Variants in EYS observed in about 807,000 individuals in gnomAD.
EYS encodes the protein EGF-like photoreceptor maintenance factor, also known as protein eyes shut homolog.
Under a neutral mutation model 282.1 loss-of-function variants are expected in EYS, and 250 were observed. The observed-to-expected ratio is 0.89, with a 90% confidence interval of 0.80 to 0.98. The LOEUF is 0.98. EYS is among the 50% of genes least tolerant of loss of function. The pLI is 0.00. For synonymous variants in EYS, 1,355 were observed against 1,282.9 expected, an observed-to-expected ratio of 1.06 and a Z score of -1.20; for missense variants, 4,016 against 3,709.0, an observed-to-expected ratio of 1.08 and a Z score of -2.15.
intron 19 of EYS, among the ~76,000 whole-genome samples, chr6:64,868,764 C>G (rs1440678447): frequency 6.6e-6 from 1 of 151,372 alleles, no homozygotes. Flanking sequence ...ACATATTTTT[C>G]TGAAGGTGTT....
chr6:65,084,071 T>A (rs1774297842), intron 12 of EYS, among the ~76,000 whole-genome samples: 1 of 152,000 alleles, frequency 6.6e-6, no homozygotes, highest in Non-Finnish European at 1.5e-5. Context: ...TATCTCATGA[T>A]TAATTCAGGG....
chr6:64,809,096 A>T (rs1764518420), intron 22 of EYS, among the ~76,000 whole-genome samples: 1 of 152,104 alleles, frequency 6.6e-6, no homozygotes, highest in African/African-American at 2.4e-5. Flanking sequence ...TTAAAGACAC[A>T]GAAATAATTC....
chr6:63,941,681 T>A (rs1240024779), intron 35 of EYS, among the ~76,000 whole-genome samples: 1 of 152,138 alleles, frequency 6.6e-6, no homozygotes, highest in Non-Finnish European at 1.5e-5. Flanking sequence ...AGCACTAGGA[T>A]TTCAGGCAGA....
chr6:64,100,378 C>T (rs981011734), intron 31 of EYS, among the ~76,000 whole-genome samples: 1 of 151,800 alleles, frequency 6.6e-6, no homozygotes, highest in Non-Finnish European at 1.5e-5. Context: ...TCTCTTTTGC[C>T]CTGCTTGTTT....
intron 30 of EYS, among the ~76,000 whole-genome samples, chr6:64,275,141 G>A (rs1768067002): frequency 6.6e-6 from 1 of 152,168 alleles, no homozygotes; most frequent in African/African-American, 2.4e-5. Context: ...ATTGCTCTGG[G>A]GGAAAAGCAG....
chr6:63,753,140 GTATATATATATATATA>G (rs33925107), intron 41 of EYS, among the ~76,000 whole-genome samples: 8 of 136,032 alleles, frequency 5.9e-5, no homozygotes, highest in Non-Finnish European at 9.4e-5. Context: ...GTGTGTGTGT[GTATATATATATATATA>G]TATATATATA....
chr6:64,345,924 T>G (rs2150399957), intron 29 of EYS, among the ~76,000 whole-genome samples: 1 of 152,220 alleles, frequency 6.6e-6, no homozygotes, highest in Admixed American at 6.5e-5. Context: ...AAGAAGACAT[T>G]TATGCAGCCA....
At chr6:63,801,540 T>A (rs1408922399) in intron 37 of EYS, among the ~76,000 whole-genome samples, 1 of 152,174 alleles carries the variant, frequency 6.6e-6, no homozygotes, top group Non-Finnish European at 1.5e-5. Context: ...GGGGAAGTCA[T>A]GTATTCATCT....
chr6:64,746,001 G>A (rs9351411), intron 22 of EYS, among the ~76,000 whole-genome samples: 65,085 of 151,820 alleles, frequency 0.43, 17,178 homozygotes, highest in Admixed American at 0.59. Flanking sequence ...GCACTGCTGG[G>A]ATATAAGAAG....
intron 28 of EYS, among the ~76,000 whole-genome samples, chr6:64,392,091 A>G (rs1773173234): frequency 6.6e-6 from 1 of 152,016 alleles, no homozygotes; most frequent in African/African-American, 2.4e-5. Context: ...CTAAATATAT[A>G]TGCACCCAAT....
chr6:65,545,535 C>T (rs895736278), intron 2 of EYS, among the ~76,000 whole-genome samples: 5 of 152,052 alleles, frequency 3.3e-5, no homozygotes, highest in Admixed American at 6.5e-5. Context: ...AAAGTGGGAT[C>T]AAAGAGTATA....
chr6:64,234,345 CTT>C (rs2150339667), intron 30 of EYS, among the ~76,000 whole-genome samples: 1 of 151,950 alleles, frequency 6.6e-6, no homozygotes, highest in Non-Finnish European at 1.5e-5. Context: ...CTATTCTACT[CTT>C]TGTTTTTTCA....
chr6:65,364,242 T>G (rs1582190984), intron 8 of EYS, among the ~76,000 whole-genome samples: 1 of 97,792 alleles, frequency 1.0e-5, no homozygotes, highest in South Asian at 4.0e-4. Context: ...TAAAATCAAC[T>G]AAATGTTTTT....
chr6:64,752,074 C>CAAA (rs1772777903), intron 22 of EYS, among the ~76,000 whole-genome samples: 1 of 151,914 alleles, frequency 6.6e-6, no homozygotes, highest in African/African-American at 2.4e-5. Context: ...AAACAACCAA[C>CAAA]CAAACAAACA....
At chr6:64,897,741 C>T (rs574508099) in intron 18 of EYS, among the ~76,000 whole-genome samples, 2 of 152,240 alleles carry the variant, frequency 1.3e-5, no homozygotes, top group African/African-American at 4.8e-5. Flanking sequence ...CTAGAATAAC[C>T]AGTTTAGAGA....
At chr6:65,042,652 A>G (rs886082796) in intron 13 of EYS, among the ~76,000 whole-genome samples, 8 of 151,450 alleles carry the variant, frequency 5.3e-5, no homozygotes, top group Non-Finnish European at 1.2e-4. Context: ...TATTATTTAT[A>G]AATCCACCAT....
chr6:64,813,608 TTATTAG>T, intron 21 of EYS, 31 bp from the exon 22 acceptor site: 1 of 1,401,184 alleles, frequency 7.1e-7, no homozygotes, highest in Non-Finnish European at 9.8e-7. Context: ...TCAAATTTGA[TTATTAG>T]TATAAGGTTG....
chr6:65,415,456 T>G (rs183584098), intron 5 of EYS, among the ~76,000 whole-genome samples: 1 of 152,210 alleles, frequency 6.6e-6, no homozygotes, highest in East Asian at 1.9e-4. Flanking sequence ...TTAGAGGTTG[T>G]CAGGTCATAT....
intron 29 of EYS, among the ~76,000 whole-genome samples, chr6:64,376,545 G>T (rs1314359781): frequency 6.6e-6 from 1 of 152,218 alleles, no homozygotes; most frequent in Non-Finnish European, 1.5e-5. Context: ...TACAAGGTAT[G>T]TGAGGGGCCT....
Sources: gnomAD v4.1 joint callset for allele counts (sites outside exome capture counted in the v4.1 genomes callset) on GRCh38, gnomAD v4.1.1 for gene constraint, MANE v1.5 for transcripts, NCBI Gene and HGNC (gene_info 2026-07-23, HGNC 2026-07-21) for gene names.